Variants in RSF1 observed in about 807,000 individuals in gnomAD.
The protein encoded by RSF1 is remodeling and spacing factor 1, also known as HBV pX-associated protein 8.
Under a neutral mutation model 145.2 loss-of-function variants are expected in RSF1, and 13 were observed. The observed-to-expected ratio is 0.09, with a 90% CI of 0.06 to 0.14. The LOEUF (loss-of-function observed/expected upper bound fraction) is 0.14, where lower values mean the gene tolerates loss of function less well. Ranked by LOEUF, RSF1 falls within the 10% of genes least tolerant of loss-of-function variation. RSF1 has a pLI of 1.00. For missense variants in RSF1, 1,517 were observed against 1,718.2 expected, an observed-to-expected ratio of 0.88 and a Z score of 2.07; for synonymous variants, 577 against 592.6, an observed-to-expected ratio of 0.97 and a Z score of 0.38.
At chr11:77,718,982 C>T (rs951407234) in intron 5 of RSF1, among the ~76,000 whole-genome samples, 5 of 152,134 alleles carry the variant, frequency 3.3e-5, no homozygotes, top group South Asian at 2.1e-4. Flanking sequence ...GGTGCAGTGG[C>T]TCACGCCTAT....
rs778766817 is a variant in RSF1, at chr11:77,701,498, C to T, written c.1731G>A (p.Lys577=). 3.1e-6 allele frequency: 5 copies of T among 1,613,894 alleles called. No homozygotes were observed. Among genetic ancestry groups the T allele is most frequent in the Non-Finnish European group, 4.2e-6 (5 of 1,179,998 alleles). Residue 577 remains lysine (K), a synonymous_variant, in exon 6 of 16, where the codon AAG becomes AAA. Transcript: ENST00000308488. ...EEKSPKTKKD[K]RPPILECLEK... is the part of the protein sequence containing the mutation. ...CAAGACATTCTAGGATTGGTGGGCG[C>T]TTATCCTTCTTAGTTTTGGGAGACT...
intron 1 of RSF1, chr11:77,813,287 C>T (rs1948747954): frequency 1.4e-6 from 1 of 695,776 alleles, no homozygotes; most frequent in Non-Finnish European, 2.6e-6. Flanking sequence ...TTTTTTTTAA[C>T]AACTGGTAAT....
intron 5 of RSF1, among the ~76,000 whole-genome samples, chr11:77,705,021 G>A (rs1212032178): frequency 1.3e-5 from 2 of 152,136 alleles, no homozygotes; most frequent in Non-Finnish European, 2.9e-5. Flanking sequence ...AAAATGCTGG[G>A]ATTACAGGTG....
chr11:77,675,355 TAAGTA>T (rs1959674076), intron 13 of RSF1, 99 bp from the exon 14 acceptor site: 1 of 838,664 alleles, frequency 1.2e-6, no homozygotes, highest in East Asian at 2.6e-5. Flanking sequence ...AGTGAATCAT[TAAGTA>T]TAGTGCAACA....
At chr11:77,671,141 ATATATATATAT>A (rs1959528276) in intron 15 of RSF1, among the ~76,000 whole-genome samples, 1 of 14,456 alleles carries the variant, frequency 6.9e-5, no homozygotes, top group Non-Finnish European at 1.1e-4. Context: ...AAAAAAAAAT[ATATATATATAT>A]ATATATATAT....
chr11:77,671,402 T>C (rs1005914424), intron 15 of RSF1, among the ~76,000 whole-genome samples: 6 of 151,364 alleles, frequency 4.0e-5, no homozygotes, highest in Admixed American at 2.6e-4. Flanking sequence ...ACCTTTTAGC[T>C]ATTAAGGACA....
chr11:77,723,174 C>T (rs1269007824), intron 5 of RSF1, among the ~76,000 whole-genome samples: 2 of 152,144 alleles, frequency 1.3e-5, no homozygotes, highest in African/African-American at 2.4e-5. Context: ...AATTATTATG[C>T]GTGGCTGGGC....
At chr11:77,693,973 CG>C (rs1185346691) in intron 7 of RSF1, among the ~76,000 whole-genome samples, 4 of 151,906 alleles carry the variant, frequency 2.6e-5, no homozygotes, top group Non-Finnish European at 5.9e-5. Context: ...TTAGTAGAGA[CG>C]GGGTTTCACC....
At position 77,693,500 on chromosome 11, in the gene RSF1, G is replaced by T. The variant is rs749155282; in HGVS notation, c.2820+7C>A. 3 of 1,575,914 alleles carry T rather than the reference G, an allele frequency of 1.9e-6. No homozygotes were observed. Among genetic ancestry groups the T allele is most frequent in the Non-Finnish European group, 2.6e-6 (3 of 1,145,516 alleles). Reference sequence around the variant, plus strand: ...AAGACTAGAAAAACAAGTGGGCGGGGTCTTACATGTTGGCAAGGTGGGCAG... The same window carrying T: ...AAGACTAGAAAAACAAGTGGGCGGGTTCTTACATGTTGGCAAGGTGGGCAG... On this transcript the variant is annotated splice_region_variant and intron_variant, in intron 8 of 15. Transcript: ENST00000308488.
chr11:77,702,171 A>C lies in RSF1; in HGVS notation c.1058T>G (p.Phe353Cys). The C allele has an allele frequency of 6.2e-7, 1 of 1,614,056 alleles. No individual in the cohort carries two copies. Among genetic ancestry groups the C allele is most frequent in the Non-Finnish European group, 8.5e-7 (1 of 1,179,976 alleles). The change falls in exon 6 of 16, where the codon TTT becomes TGT. Residue 353 changes from phenylalanine (F) to cysteine (C), a missense_variant. This residue lies in a region of RSF1 where 207 missense variants were observed against 191.4 expected (regional missense o/e 1.08). Coordinates refer to ENST00000308488, the MANE Select transcript of RSF1 (RefSeq NM_016578.4). ...PVAQEPERIE[F>C]GGNIKSSHEI... ...GTGAGAAGATTTAATATTGCCACCA[A>C]ATTCGATCCTTTCAGGCTCCTGTGC...
intron 1 of RSF1, among the ~76,000 whole-genome samples, chr11:77,815,021 G>A (rs1948768783): frequency 6.6e-6 from 1 of 152,198 alleles, no homozygotes; most frequent in South Asian, 2.1e-4. Context: ...GGAAGAAGCA[G>A]CCCCTTCAAA....
At chr11:77,813,459 A>AGG (rs1948749808) in intron 1 of RSF1, 9 of 1,162,384 alleles carry the variant, frequency 7.7e-6, no homozygotes, top group Non-Finnish European at 1.1e-5. Flanking sequence ...ACGTCTTAGA[A>AGG]CCTTCACCAC....
intron 1 of RSF1, among the ~76,000 whole-genome samples, chr11:77,805,906 A>T (rs1487599208): frequency 6.6e-6 from 1 of 152,174 alleles, no homozygotes; most frequent in Non-Finnish European, 1.5e-5. Flanking sequence ...CCCACTCTCC[A>T]AGCCAGAAGT....
At chr11:77,863,308 G>C in the RSF1 span, among the ~76,000 whole-genome samples, 2 of 152,192 alleles carry the variant, frequency 1.3e-5, no homozygotes, top group Non-Finnish European at 2.9e-5. Context: ...TGCCGGATCC[G>C]GAGGGATGGA....
the RSF1 span, among the ~76,000 whole-genome samples, chr11:77,858,716 GGTTGTGCA>G: frequency 4.6e-5 from 7 of 152,122 alleles, no homozygotes; most frequent in Admixed American, 4.6e-4. Context: ...GCATAGTAGG[GGTTGTGCA>G]GTTGAGATTT....
At chr11:77,756,544 C>A (rs989266530) in intron 2 of RSF1, among the ~76,000 whole-genome samples, 3 of 152,082 alleles carry the variant, frequency 2.0e-5, no homozygotes, top group Admixed American at 6.6e-5. Flanking sequence ...CGGAACTAGA[C>A]AAACGCTCGG....
At chr11:77,812,871 CAG>C (rs1357362115) in intron 1 of RSF1, among the ~76,000 whole-genome samples, 1 of 127,702 alleles carries the variant, frequency 7.8e-6, no homozygotes. Context: ...GCCTGGGTGA[CAG>C]AGCTCCATCT....
At chr11:77,690,038 T>G (rs1590831067) in intron 9 of RSF1, among the ~76,000 whole-genome samples, 1 of 151,916 alleles carries the variant, frequency 6.6e-6, no homozygotes, top group African/African-American at 2.4e-5. Flanking sequence ...GGCGGGTGCC[T>G]GTAGTCCCAG....
chr11:77,698,714 T>C (rs752705576), intron 6 of RSF1, 21 bp from the exon 7 acceptor site: 1 of 1,587,004 alleles, frequency 6.3e-7, no homozygotes, highest in Admixed American at 1.7e-5. Context: ...ATAAAAAAAA[T>C]TGGGATAATT....
Sources: gnomAD v4.1 joint callset for allele counts (sites outside exome capture counted in the v4.1 genomes callset) on GRCh38, gnomAD v4.1.1 for gene constraint, gnomAD v4.1.1 regional missense constraint, MANE v1.5 for transcripts, NCBI Gene and HGNC (gene_info 2026-07-23, HGNC 2026-07-21) for gene names.